The following HCN2 variants were observed in gnomAD, a reference collection of about 807,000 sequenced individuals.
The protein encoded by HCN2 is hyperpolarization activated cyclic nucleotide gated potassium and sodium channel 2, also known as potassium/sodium hyperpolarization-activated cyclic nucleotide-gated channel 2.
HCN2 carries 20 observed loss-of-function variants against 52.3 expected under a neutral mutation model. That is an observed-to-expected ratio of 0.38 (90% CI 0.27 to 0.56). The LOEUF (loss-of-function observed/expected upper bound fraction) is 0.56. HCN2 is among the 20% of genes least tolerant of loss of function. The pLI, the probability that HCN2 is intolerant of heterozygous loss-of-function variation, is 0.71. For synonymous variants in HCN2, 694 were observed against 537.0 expected, an observed-to-expected ratio of 1.29 and a Z score of -4.04; for missense variants, 981 against 1,207.7, an observed-to-expected ratio of 0.81 and a Z score of 2.78.
intron 1 of HCN2, among the ~76,000 whole-genome samples, chr19:600,771 G>A (rs1478000242): frequency 6.6e-5 from 10 of 152,230 alleles, no homozygotes; most frequent in East Asian, 3.9e-4. Context: ...GTGAGCCACC[G>A]CACCCAGCAG....
At chr19:612,496 ACCT>A (rs969442429) in intron 5 of HCN2, among the ~76,000 whole-genome samples, 3 of 148,830 alleles carry the variant, frequency 2.0e-5, no homozygotes, top group South Asian at 2.1e-4. Context: ...GTTCACTGTA[ACCT>A]CCTCCTCCCG....
chr19:605,826 G>A lies in HCN2; in HGVS notation c.1218+604G>A, dbSNP rs571936948. Among the ~76,000 whole-genome samples the A allele has an allele frequency of 6.0e-5, 9 of 149,202 alleles. 1 individual carries two copies. The highest frequency in any genetic ancestry group is 7.0e-3 in the Middle Eastern group (2 of 284). ...GGGGACCCAGGCCGCCTTACAGAGG[G>A]AGAGACACAGGCCCTTCAGGGGTGG... On this transcript the variant is annotated intron_variant, in intron 3 of 7. Coordinates refer to ENST00000251287, the MANE Select transcript of HCN2 (RefSeq NM_001194.4).
chr19:615,724 A>G, intron 7 of HCN2, 71 bp from the exon 8 acceptor site: 1 of 1,496,540 alleles, frequency 6.7e-7, no homozygotes, highest in Non-Finnish European at 9.3e-7. Flanking sequence ...CGCGGTGCAG[A>G]GTAGGTGCTC....
At chr19:593,655 C>T (rs1373142828) in intron 1 of HCN2, among the ~76,000 whole-genome samples, 1 of 152,118 alleles carries the variant, frequency 6.6e-6, no homozygotes, top group Non-Finnish European at 1.5e-5. Context: ...TGCAGTTGGT[C>T]TATTGCTGAA....
chr19:592,055 G>T lies in HCN2; in HGVS notation c.632+1478G>T, dbSNP rs1982889877. Reference sequence around the variant, plus strand: ...CCCACCCTGCCTCTGTGCCCCACCGGGAGAGCTTGGTCAGCATCTGGGCTC... The same window carrying T: ...CCCACCCTGCCTCTGTGCCCCACCGTGAGAGCTTGGTCAGCATCTGGGCTC... On this transcript the variant is annotated intron_variant, in intron 1 of 7. Coordinates refer to ENST00000251287, the MANE Select transcript of HCN2 (RefSeq NM_001194.4). The surrounding 1 kb of genome is among the most constrained non-coding windows in gnomAD (Gnocchi z 4.8). 6.6e-6 allele frequency among the ~76,000 whole-genome samples: 1 copy of T among 152,218 alleles called. No individual in the cohort carries two copies. The highest frequency in any genetic ancestry group is 1.9e-4 in the East Asian group (1 of 5,188).
intron 1 of HCN2, among the ~76,000 whole-genome samples, chr19:595,726 C>G (rs1005638116): frequency 2.6e-5 from 4 of 152,232 alleles, no homozygotes; most frequent in Non-Finnish European, 5.9e-5. Context: ...CCCGGGAACC[C>G]GAGATCTCCC....
chr19:597,043 C>A (rs534370552), intron 1 of HCN2, among the ~76,000 whole-genome samples: 1 of 152,186 alleles, frequency 6.6e-6, no homozygotes, highest in Non-Finnish European at 1.5e-5. Flanking sequence ...TGGCTGGTGA[C>A]GACGAGGGTT....
rs371538078 is a variant in HCN2, at chr19:617,023, C to CG, written c.*556dup. 112 of 515,532 alleles carry CG rather than the reference C, an allele frequency of 2.2e-4. 1 individual carries two copies. The highest frequency in any genetic ancestry group is 1.0e-3 in the South Asian group (52 of 49,808). The allele number at this position is 515,532 out of a possible 1,614,324, so 31.9% of individuals were successfully genotyped here. On this transcript the variant is annotated 3_prime_UTR_variant, in exon 8 of 8. Transcript: ENST00000251287. ...GAGGCAGGCCTGGCTGCGCAGGGCGCGGGGGGGAGGCTGGGGTCCCGCCGC... is the reference window on the plus strand; with the variant it reads ...GAGGCAGGCCTGGCTGCGCAGGGCGCGGGGGGGGAGGCTGGGGTCCCGCCGC...
Position 613,484 on chromosome 19 carries a change from C to T in HCN2, c.1821C>T (p.Phe607=), listed in dbSNP as rs1410521098. The T allele has an allele frequency of 2.2e-6, 3 of 1,372,232 alleles. No homozygotes were observed. The highest frequency in any genetic ancestry group is 3.8e-5 in the East Asian group (1 of 26,530). 85.0% of individuals were successfully genotyped at this position (1,372,232 alleles called of 1,614,324 possible). ...TGAAGCTGTCCGATGGCTCCTACTTCGGGGGTGAGCTTGAGGGGGGCGCGC... is the reference window on the plus strand; with the variant it reads ...TGAAGCTGTCCGATGGCTCCTACTTTGGGGGTGAGCTTGAGGGGGGCGCGC... The part of the protein sequence containing the change: ...KEMKLSDGSY[F]GEICLLTRGR... Residue 607 remains phenylalanine, a synonymous_variant, in exon 6 of 8, where the codon TTC becomes TTT. Transcript: ENST00000251287.
intron 2 of HCN2, among the ~76,000 whole-genome samples, chr19:604,757 C>T (rs930049552): frequency 2.8e-4 from 15 of 53,206 alleles, no homozygotes; most frequent in East Asian, 5.3e-4. Context: ...TGTGCTGGGG[C>T]GGTGTCAGAC....
At chr19:598,513 C>T (rs1160577688) in intron 1 of HCN2, among the ~76,000 whole-genome samples, 1 of 152,084 alleles carries the variant, frequency 6.6e-6, no homozygotes, top group Non-Finnish European at 1.5e-5. Context: ...ACTATCTTGC[C>T]CAGGCTGGTC....
chr19:612,161 C>G (rs935398461), intron 5 of HCN2, among the ~76,000 whole-genome samples: 24 of 151,514 alleles, frequency 1.6e-4, no homozygotes, highest in African/African-American at 5.6e-4. Context: ...AAAAAAAGTA[C>G]CAAAAAGTGC....
Position 610,306 on chromosome 19 carries a change from C to T in HCN2, c.1485C>T (p.Asp495=), listed in dbSNP as rs764404139. Residue 495 remains aspartate, a synonymous_variant, in exon 5 of 8, where the codon GAC becomes GAT. Coordinates refer to ENST00000251287, the MANE Select transcript of HCN2 (RefSeq NM_001194.4). Reference sequence around the variant, plus strand: ...TGTCCTTCCACAAGCTGCCAGCTGACTTCCGCCAGAAGATCCACGACTACT... The same window carrying T: ...TGTCCTTCCACAAGCTGCCAGCTGATTTCCGCCAGAAGATCCACGACTACT... ...QYMSFHKLPA[D]FRQKIHDYYE... is the part of the protein sequence containing the mutation. 1.1e-5 allele frequency: 17 copies of T among 1,613,828 alleles called. No individual in the cohort carries two copies. Among genetic ancestry groups the T allele is most frequent in the Non-Finnish European group, 1.4e-5 (17 of 1,179,828 alleles).
intron 1 of HCN2, among the ~76,000 whole-genome samples, chr19:602,152 C>A (rs1176172666): frequency 7.2e-6 from 1 of 139,606 alleles, no homozygotes; most frequent in South Asian, 2.6e-4. Flanking sequence ...CCTGCGTGGA[C>A]GCCCCACTTC....
chr19:616,663 TCATCGCCCCGCGCCCACCCC>T lies in HCN2; in HGVS notation c.*199_*218del, dbSNP rs999691553. ...CCTCCGCGCCCCCGGCCGTCCCCCCTCATCGCCCCGCGCCCACCCCCATCGCCCCTGCCCCCGGCGGCGGC... is the reference window on the plus strand; with the variant it reads ...CCTCCGCGCCCCCGGCCGTCCCCCCTCATCGCCCCTGCCCCCGGCGGCGGC... On this transcript the variant is annotated 3_prime_UTR_variant, in exon 8 of 8. Coordinates refer to ENST00000251287, the MANE Select transcript of HCN2 (RefSeq NM_001194.4). The T allele has an allele frequency of 7.4e-5, 14 of 188,636 alleles. No homozygotes were observed. Among genetic ancestry groups the T allele is most frequent in the African/African-American group, 1.8e-4 (5 of 27,494 alleles). The allele number at this position is 188,636 out of a possible 1,614,324, so 11.7% of individuals were successfully genotyped here.
chr19:614,026 C>T lies in HCN2; in HGVS notation c.1990+10C>T, dbSNP rs780440904. 12 of 875,624 alleles carry T rather than the reference C, an allele frequency of 1.4e-5. No individual in the cohort carries two copies. In the African/African-American group the frequency reaches 1.9e-4, roughly 14 times the overall value. 54.2% of individuals were successfully genotyped at this position (875,624 alleles called of 1,614,324 possible). A position where few individuals can be genotyped will look rare whatever the true frequency, so the allele number is the denominator to read the frequency against. On this transcript the variant is annotated intron_variant, in intron 7 of 7. Coordinates refer to ENST00000251287, the MANE Select transcript of HCN2 (RefSeq NM_001194.4). The stretch of plus-strand genomic sequence containing the variant: ...CGCCTGGACCGCATCGGTGAGCGGG[C>T]CGGGGGCGTGGCCGGGGCGGGTGCC...
At chr19:593,510 C>T (rs1568360620) in intron 1 of HCN2, among the ~76,000 whole-genome samples, 1 of 152,184 alleles carries the variant, frequency 6.6e-6, no homozygotes, top group Admixed American at 6.5e-5. Context: ...ATCCCAGCTA[C>T]TCGGGAGGCT....
At chr19:607,854 A>T in intron 3 of HCN2, 110 bp from the exon 4 acceptor site, 1 of 725,868 alleles carries the variant, frequency 1.4e-6, no homozygotes, top group Non-Finnish European at 2.3e-6. Context: ...GAACATGGGG[A>T]GCTCACCACC....
rs1982837241 is a variant in HCN2 at position 590,525 on chromosome 19, G to C, written c.580G>C (p.Glu194Gln). Residue 194 changes from glutamate to glutamine, a missense_variant, in exon 1 of 8, where the codon GAG becomes CAG. Around this residue, in one of 6 missense-constraint regions of HCN2, gnomAD observed 23 missense variants for 20.3 expected, o/e 1.13. Coordinates refer to ENST00000251287, the MANE Select transcript of HCN2 (RefSeq NM_001194.4). This position sits in a 1 kb window ranked among gnomAD's most constrained non-coding sequence, Gnocchi z 7.2. ...CCAGAAGGCCGTGGAGCGCGAGCAG[G>C]AGCGCGTCAAGTCGGCGGGGGCCTG... is the stretch of plus-strand genomic sequence containing the variant. ...GSQKAVEREQ[E>Q]RVKSAGAWII... is the part of the protein sequence containing the mutation. 5 of 1,513,952 alleles carry C rather than the reference G, an allele frequency of 3.3e-6. No individual in the cohort carries two copies. Among genetic ancestry groups the C allele is most frequent in the Non-Finnish European group, 4.4e-6 (5 of 1,124,712 alleles). 93.8% of individuals were successfully genotyped at this position (1,513,952 alleles called of 1,614,324 possible). A position where few individuals can be genotyped will look rare whatever the true frequency, so the allele number is the denominator to read the frequency against.
Sources: gnomAD v4.1 joint callset for allele counts (sites outside exome capture counted in the v4.1 genomes callset) on GRCh38, gnomAD v4.1.1 for gene constraint, gnomAD v4.1.1 regional missense constraint, Gnocchi (gnomAD v3.1) non-coding constraint, MANE v1.5 for transcripts, NCBI Gene and HGNC (gene_info 2026-07-23, HGNC 2026-07-21) for gene names.